PKHD1: variants seen among roughly 807,000 people sequenced by gnomAD.
PKHD1 encodes PKHD1 ciliary IPT domain containing fibrocystin/polyductin.
A neutral mutation model predicts 412.0 loss-of-function variants in PKHD1; 291 were observed. The observed-to-expected ratio is 0.71, with a 90% CI of 0.64 to 0.78. The LOEUF is 0.78. Ranked by LOEUF, PKHD1 falls within the 30% of genes least tolerant of loss-of-function variation. The pLI, the probability that PKHD1 is intolerant of heterozygous loss-of-function variation, is 0.00. For missense variants in PKHD1, 4,825 were observed against 4,950.7 expected, an observed-to-expected ratio of 0.97 and a Z score of 0.76; for synonymous variants, 1,777 against 1,821.5, an observed-to-expected ratio of 0.98 and a Z score of 0.62.
At chr6:51,677,595 AAGAAAAACGGAAAACTAC>A (rs1219681212) in intron 60 of PKHD1, among the ~76,000 whole-genome samples, 4 of 152,294 alleles carry the variant, frequency 2.6e-5, no homozygotes, top group Admixed American at 6.5e-5. Context: ...AAATTAATAC[AAGAAAAACGGAAAACTAC>A]ATAAAACCAG....
chr6:51,741,395 C>CTT (rs370833781), intron 60 of PKHD1, among the ~76,000 whole-genome samples: 1 of 149,398 alleles, frequency 6.7e-6, no homozygotes, highest in Non-Finnish European at 1.5e-5. Flanking sequence ...ATGTTTTTCT[C>CTT]TTTTTTTTTT....
intron 58 of PKHD1, among the ~76,000 whole-genome samples, chr6:51,747,252 C>T (rs16881828): frequency 0.083 from 12,669 of 152,216 alleles, 712 homozygotes; most frequent in Non-Finnish European, 0.12. Context: ...AGAAGATGAA[C>T]TGCACCAGTC....
At chr6:51,983,359 G>A (rs1478496773) in intron 35 of PKHD1, among the ~76,000 whole-genome samples, 5 of 152,230 alleles carry the variant, frequency 3.3e-5, no homozygotes, top group Admixed American at 3.3e-4. Context: ...AGACAAGACT[G>A]GAAACAGCAT....
chr6:51,912,556 C>T lies in PKHD1; in HGVS notation c.6142G>A (p.Val2048Ile). The part of the protein sequence containing the change: ...SLHGSLPEVI[V>I]TCLRATAHAL... ...TGGGCAGTTGCTCTAAGACAGGTGA[C>T]AATTACTTCTGGTAGTGAACCTAAA... The change falls in exon 38 of 67, where the codon GTC becomes ATC. Residue 2048 changes from valine (V) to isoleucine (I), a missense_variant. By Grantham distance (29) the Val-to-Ile change is conservative. Transcript: ENST00000371117. The T allele has an allele frequency of 6.2e-7, 1 of 1,612,598 alleles. No individual in the cohort carries two copies. The highest frequency in any genetic ancestry group is 1.1e-5 in the South Asian group (1 of 91,046).
At chr6:51,745,804 A>G (rs553279041) in intron 59 of PKHD1, among the ~76,000 whole-genome samples, 2 of 152,326 alleles carry the variant, frequency 1.3e-5, no homozygotes, top group South Asian at 4.1e-4. Context: ...CTTAACAGCT[A>G]TATCAGCCCG....
At chr6:51,894,616 C>T (rs1433440788) in intron 43 of PKHD1, among the ~76,000 whole-genome samples, 1 of 152,206 alleles carries the variant, frequency 6.6e-6, no homozygotes, top group Non-Finnish European at 1.5e-5. Context: ...AACCACAAAC[C>T]ATTGCACAGA....
rs756044456 is a variant in PKHD1, at chr6:52,062,556, G to A, written c.1081C>T (p.Pro361Ser). The change falls in exon 14 of 67, where the codon CCA becomes TCA. Residue 361 changes from proline to serine, a missense_variant. Coordinates refer to ENST00000371117, the MANE Select transcript of PKHD1 (RefSeq NM_138694.4). ...CCTTCCTGTGACCAAAACCCAAATG[G>A]AGAACTGGCATTAGGGACAATCTGC... ...RWQIVPNASS[P>S]FGFWSQEGQP... is the part of the protein sequence containing the mutation. 12 of 1,613,974 alleles carry A rather than the reference G, an allele frequency of 7.4e-6. No individual in the cohort carries two copies. In the African/African-American group the frequency reaches 1.6e-4, roughly 22 times the overall value.
At chr6:51,972,755 C>T (rs1362052626) in intron 35 of PKHD1, among the ~76,000 whole-genome samples, 1 of 152,164 alleles carries the variant, frequency 6.6e-6, no homozygotes, top group Non-Finnish European at 1.5e-5. Flanking sequence ...ACACATTGTC[C>T]CTTTTCTGCC....
At chr6:51,947,204 C>T (rs1789590686) in intron 36 of PKHD1, among the ~76,000 whole-genome samples, 1 of 152,194 alleles carries the variant, frequency 6.6e-6, no homozygotes, top group Non-Finnish European at 1.5e-5. Context: ...GAGTGACCAG[C>T]AGCATTTGAC....
chr6:51,982,880 T>TAAAAATA (rs777201105), intron 35 of PKHD1, among the ~76,000 whole-genome samples: 5,897 of 135,796 alleles, frequency 0.043, 129 homozygotes, highest in East Asian at 0.11. Context: ...TAAAATAAAA[T>TAAAAATA]AAAATAAAAT....
At chr6:51,622,414 A>G (rs939039850) in intron 66 of PKHD1, 2 of 152,162 alleles carry the variant, frequency 1.3e-5, no homozygotes, top group African/African-American at 4.8e-5. Flanking sequence ...GAAAGCCTGG[A>G]CTTTTGAGCC....
chr6:52,086,691 T>G (rs1199832268), intron 1 of PKHD1, among the ~76,000 whole-genome samples: 1 of 152,226 alleles, frequency 6.6e-6, no homozygotes, highest in East Asian at 1.9e-4. Context: ...CCCCGAGTCA[T>G]TACCAGATAG....
chr6:52,049,399 T>C (rs1806396410), intron 22 of PKHD1, among the ~76,000 whole-genome samples: 1 of 152,220 alleles, frequency 6.6e-6, no homozygotes, highest in South Asian at 2.1e-4. Flanking sequence ...CACCGACAGA[T>C]ACATTGTTAT....
chr6:52,074,206 A>G (rs866537544), intron 6 of PKHD1, among the ~76,000 whole-genome samples: 7 of 152,262 alleles, frequency 4.6e-5, no homozygotes, highest in Admixed American at 1.3e-4. Flanking sequence ...CAGAAGACTG[A>G]GCCTCTTTAT....
At chr6:51,758,682 T>A (rs912931076) in intron 55 of PKHD1, among the ~76,000 whole-genome samples, 3 of 152,118 alleles carry the variant, frequency 2.0e-5, no homozygotes, top group Admixed American at 6.6e-5. Flanking sequence ...GAGAGGAAAT[T>A]ATGAATAATC....
chr6:52,032,930 T>A (rs982590257), intron 29 of PKHD1, 100 bp downstream of exon 29: 5 of 1,154,514 alleles, frequency 4.3e-6, no homozygotes, highest in Admixed American at 3.5e-5. Flanking sequence ...AAGAAAAAAC[T>A]TAAATCCAAA....
chr6:51,651,508 T>C (rs1770963908), intron 61 of PKHD1, among the ~76,000 whole-genome samples: 1 of 152,024 alleles, frequency 6.6e-6, no homozygotes, highest in South Asian at 2.1e-4. Flanking sequence ...TGACACGCAA[T>C]AGGGAAAACT....
intron 60 of PKHD1, among the ~76,000 whole-genome samples, chr6:51,726,801 TACAAATAAC>T: frequency 6.6e-6 from 1 of 152,206 alleles, no homozygotes; most frequent in Non-Finnish European, 1.5e-5. Context: ...ACTAAGGTCT[TACAAATAAC>T]TATGGTGTGC....
At chr6:51,848,210 T>A (rs1332257843) in intron 49 of PKHD1, among the ~76,000 whole-genome samples, 3 of 152,154 alleles carry the variant, frequency 2.0e-5, no homozygotes, top group African/African-American at 4.8e-5. Context: ...AAAGATGCCA[T>A]AAGGTTCATC....
Sources: allele counts gnomAD v4.1 joint callset (sites outside exome capture counted in the v4.1 genomes callset), GRCh38; gene constraint gnomAD v4.1.1; transcripts MANE v1.5; gene names NCBI Gene and HGNC (gene_info 2026-07-23, HGNC 2026-07-21).